GAB1: variants seen among roughly 807,000 people sequenced by gnomAD.
GAB1 encodes the protein GRB2-associated-binding protein 1.
A neutral mutation model predicts 66.5 loss-of-function variants in GAB1; 19 were observed. The observed-to-expected ratio is 0.29, with a 90% CI of 0.20 to 0.42. The LOEUF (loss-of-function observed/expected upper bound fraction) is 0.42. Among genes scored for constraint, GAB1 ranks in the 10% least tolerant of loss-of-function variants. The probability of loss-of-function intolerance (pLI) is 1.00; values close to 1 mark genes in which losing one functional copy is unlikely to be tolerated. For synonymous variants in GAB1, 294 were observed against 301.4 expected (o/e 0.98, Z 0.25); for missense variants, 732 against 858.5 (o/e 0.85, Z 1.84).
intron 1 of GAB1, among the ~76,000 whole-genome samples, chr4:143,348,097 C>T (rs760596527): frequency 2.6e-5 from 4 of 152,172 alleles, no homozygotes; most frequent in Non-Finnish European, 5.9e-5. Context: ...GTTGTGAAAT[C>T]GTGAACTCCT....
intron 1 of GAB1, among the ~76,000 whole-genome samples, chr4:143,355,936 C>T (rs1037879332): frequency 1.3e-5 from 2 of 151,966 alleles, no homozygotes; most frequent in African/African-American, 2.4e-5. Flanking sequence ...TTTGGGAGTG[C>T]GAGGTGTTGA....
chr4:143,386,409 CAG>C (rs1161879492), intron 1 of GAB1, among the ~76,000 whole-genome samples: 2 of 152,102 alleles, frequency 1.3e-5, no homozygotes, highest in Non-Finnish European at 2.9e-5. Context: ...ATTTTTAAGA[CAG>C]AGTCCTATTC....
chr4:143,386,369 G>A (rs1050589307), intron 1 of GAB1, among the ~76,000 whole-genome samples: 4 of 152,138 alleles, frequency 2.6e-5, no homozygotes, highest in Non-Finnish European at 4.4e-5. Flanking sequence ...TGCATAGCCT[G>A]AAGGCAATTT....
chr4:143,454,284 A>C (rs1211175188), intron 6 of GAB1, among the ~76,000 whole-genome samples: 1 of 152,204 alleles, frequency 6.6e-6, no homozygotes, highest in Non-Finnish European at 1.5e-5. Context: ...TAATTCATTG[A>C]ATAGAAGTAG....
chr4:143,400,789 G>A (rs1365286838), intron 1 of GAB1, among the ~76,000 whole-genome samples: 3 of 152,104 alleles, frequency 2.0e-5, no homozygotes, highest in Non-Finnish European at 2.9e-5. Flanking sequence ...CCAACATAAC[G>A]AAACCCCATC....
rs371255109 is a variant in GAB1 at position 143,365,265 on chromosome 4, A to T, written c.72+28005A>T. 2.0e-5 allele frequency among the ~76,000 whole-genome samples: 3 copies of T among 152,222 alleles called. No homozygotes were observed. In the East Asian group the frequency reaches 5.8e-4, roughly 29 times the overall value. On this transcript the variant is annotated intron_variant, in intron 1 of 9. Transcript: ENST00000262994. ...GTAGAGGAAGAAGGAGGGGGAAATG[A>T]TACCTAACATTACTAATATTCTTTT...
At chr4:143,435,982 C>T (rs571423757) in intron 3 of GAB1, among the ~76,000 whole-genome samples, 88 of 152,332 alleles carry the variant, frequency 5.8e-4, no homozygotes, top group Admixed American at 1.0e-3. Context: ...TCTTCACTAA[C>T]TGTAAGCTAG....
At chr4:143,441,246 T>C (rs919450432) in intron 6 of GAB1, among the ~76,000 whole-genome samples, 1 of 152,242 alleles carries the variant, frequency 6.6e-6, no homozygotes, top group African/African-American at 2.4e-5. Flanking sequence ...CAATTTGATT[T>C]GTTGCACCAT....
intron 8 of GAB1, among the ~76,000 whole-genome samples, chr4:143,465,139 A>G (rs1265546436): frequency 6.6e-6 from 1 of 152,220 alleles, no homozygotes; most frequent in Non-Finnish European, 1.5e-5. Flanking sequence ...CATGGAAACA[A>G]GTCACTTGTT....
At chr4:143,353,652 A>T (rs1157203532) in intron 1 of GAB1, among the ~76,000 whole-genome samples, 1 of 150,542 alleles carries the variant, frequency 6.6e-6, no homozygotes, top group Non-Finnish European at 1.5e-5. Flanking sequence ...CAATTCAGTA[A>T]CCTTGGAGAG....
intron 6 of GAB1, among the ~76,000 whole-genome samples, chr4:143,452,152 C>G (rs2149781145): frequency 6.6e-6 from 1 of 152,232 alleles, no homozygotes; most frequent in African/African-American, 2.4e-5. Flanking sequence ...CTATGTTGCC[C>G]AGGATGGTCT....
chr4:143,389,080 A>G (rs1427643847), intron 1 of GAB1, among the ~76,000 whole-genome samples: 1 of 152,220 alleles, frequency 6.6e-6, no homozygotes, highest in East Asian at 1.9e-4. Flanking sequence ...TCCATCTAAA[A>G]TCACTCACAT....
intron 1 of GAB1, chr4:143,349,144 A>T: frequency 2.4e-6 from 1 of 415,776 alleles, no homozygotes; most frequent in Non-Finnish European, 4.2e-6. Context: ...CCCCAGGTAC[A>T]TTTGCCTTCA....
chr4:143,465,161 A>G (rs887364231), intron 8 of GAB1, among the ~76,000 whole-genome samples: 2 of 152,218 alleles, frequency 1.3e-5, no homozygotes, highest in South Asian at 2.1e-4. Flanking sequence ...GAGCACATGT[A>G]TAATAGAACC....
At chr4:143,376,938 C>G (rs1197179506) in intron 1 of GAB1, 6 of 152,114 alleles carry the variant, frequency 3.9e-5, no homozygotes, top group Admixed American at 3.9e-4. Flanking sequence ...CTTAGTCTGT[C>G]TTTTCAAATA....
intron 1 of GAB1, among the ~76,000 whole-genome samples, chr4:143,385,985 A>T (rs999149092): frequency 1.8e-4 from 24 of 137,060 alleles, no homozygotes; most frequent in Admixed American, 2.8e-4. Flanking sequence ...ACAAAAATTT[A>T]AAAAAAACTA....
chr4:143,373,074 C>CACACACACACAT (rs1453672647), intron 1 of GAB1, among the ~76,000 whole-genome samples: 18 of 146,374 alleles, frequency 1.2e-4, no homozygotes, highest in African/African-American at 4.2e-4. Context: ...CACACACACA[C>CACACACACACAT]ACACATCTGT....
intron 1 of GAB1, among the ~76,000 whole-genome samples, chr4:143,370,591 C>T (rs1400018775): frequency 1.3e-5 from 2 of 152,008 alleles, no homozygotes; most frequent in Non-Finnish European, 2.9e-5. Flanking sequence ...GGTACATGTG[C>T]ACAACGTGCA....
At chr4:143,364,947 G>C (rs376412373) in intron 1 of GAB1, among the ~76,000 whole-genome samples, 5 of 141,326 alleles carry the variant, frequency 3.5e-5, no homozygotes, top group African/African-American at 1.4e-4. Flanking sequence ...GCGCTATCTC[G>C]GGTCACTGCA....
Sources: allele counts gnomAD v4.1 joint callset (sites outside exome capture counted in the v4.1 genomes callset), GRCh38; gene constraint gnomAD v4.1.1; transcripts MANE v1.5; gene names NCBI Gene and HGNC (gene_info 2026-07-23, HGNC 2026-07-21).